The following MRTFB variants were observed in gnomAD, a reference collection of about 807,000 sequenced individuals.
MRTFB encodes the protein myocardin related transcription factor B, also known as myocardin-related transcription factor B.
In MRTFB, 29 loss-of-function variants were observed where a neutral mutation model predicts 104.2. The ratio of observed to expected loss-of-function variants is 0.28; its 90% CI spans 0.21 to 0.38. MRTFB has a LOEUF of 0.38. MRTFB is among the 10% of genes least tolerant of loss of function. The pLI is 1.00. For synonymous variants in MRTFB, 535 were observed against 519.5 expected, an observed-to-expected ratio of 1.03 and a Z score of -0.41; for missense variants, 1,270 against 1,341.6, an observed-to-expected ratio of 0.95 and a Z score of 0.83.
intron 15 of MRTFB, 56 bp from the exon 16 acceptor site, chr16:14,258,045 A>G (rs2043582655): frequency 6.9e-7 from 1 of 1,452,650 alleles, no homozygotes; most frequent in South Asian, 1.2e-5. Context: ...TGCTAATTAT[A>G]TAATGCTTCC....
intron 2 of MRTFB, among the ~76,000 whole-genome samples, chr16:14,111,676 C>T (rs2142166876): frequency 6.6e-6 from 1 of 152,270 alleles, no homozygotes; most frequent in South Asian, 2.1e-4. Flanking sequence ...TATGAAGAGG[C>T]AAACAAGAGG....
the MRTFB span, among the ~76,000 whole-genome samples, chr16:14,042,447 G>A: frequency 6.6e-6 from 1 of 152,116 alleles, no homozygotes; most frequent in Non-Finnish European, 1.5e-5. Context: ...TCTTGTTTTT[G>A]ATAGTGGCCA....
In MRTFB at chr16:14,261,378, C is replaced by T. The variant is rs776763721; in HGVS notation, c.3234C>T (p.Thr1078=). The change falls in exon 17 of 17, where the codon ACC becomes ACT. Residue 1078 remains threonine (T), a synonymous_variant. Transcript: ENST00000571589. ...NSSSGLTPLS[T]TAPSMFSADF... ...CTTCAGGACTCACTCCTCTCAGCAC[C>T]ACCGCGCCGAGCATGTTCTCTGCTG... 6.2e-7 allele frequency: 1 copy of T among 1,614,016 alleles called. No individual in the cohort carries two copies. Among genetic ancestry groups the T allele is most frequent in the Admixed American group, 1.7e-5 (1 of 60,022 alleles).
intron 3 of MRTFB, among the ~76,000 whole-genome samples, chr16:14,158,584 GGTA>G (rs1270919106): frequency 2.0e-5 from 3 of 152,028 alleles, no homozygotes; most frequent in African/African-American, 7.3e-5. Context: ...TCACATGAAA[GGTA>G]GTTAATTAAA....
At position 14,200,865 on chromosome 16, in the gene MRTFB, T is replaced by A. The variant is rs572010838; in HGVS notation, c.155-9378T>A. 3 of 1,456,132 alleles carry A rather than the reference T, an allele frequency of 2.1e-6. No homozygotes were observed. The African/African-American group carries it at 4.2e-5, about 20-fold the overall frequency. The allele number at this position is 1,456,132 out of a possible 1,614,324, so 90.2% of individuals were successfully genotyped here. On this transcript the variant is annotated intron_variant, in intron 3 of 16. Coordinates refer to ENST00000571589, the MANE Select transcript of MRTFB (RefSeq NM_001308142.2). ...TGCTACAAGGTGCCAACCTGTATGGTTACCTCAGGTGTAAGGTGGGCAGCA... is the reference window on the plus strand; with the variant it reads ...TGCTACAAGGTGCCAACCTGTATGGATACCTCAGGTGTAAGGTGGGCAGCA...
Position 14,079,477 on chromosome 16 carries a change from A to G in MRTFB, c.-64+123A>G, listed in dbSNP as rs1377478397. Reference sequence around the variant, plus strand: ...GATTGTTTTAGGAGTGGTTAAGTTCATAGAACCTAGAGTTCTTAAGGTAGA... The same window carrying G: ...GATTGTTTTAGGAGTGGTTAAGTTCGTAGAACCTAGAGTTCTTAAGGTAGA... On this transcript the variant is annotated intron_variant, in intron 2 of 16. Transcript: ENST00000571589. 9.9e-6 allele frequency: 3 copies of G among 304,128 alleles called. No homozygotes were observed. The Admixed American group carries it at 1.6e-4, about 16-fold the overall frequency. 18.8% of individuals were successfully genotyped at this position (304,128 alleles called of 1,614,324 possible). A position where few individuals can be genotyped will look rare whatever the true frequency, so the allele number is the denominator to read the frequency against.
chr16:14,240,102 A>G, intron 9 of MRTFB, 135 bp from the exon 10 acceptor site: 1 of 1,069,616 alleles, frequency 9.3e-7, no homozygotes, highest in Non-Finnish European at 1.3e-6. Context: ...CGAATTTAGC[A>G]TATTGCTTTC....
chr16:14,044,389 C>T, the MRTFB span, among the ~76,000 whole-genome samples: 1 of 152,204 alleles, frequency 6.6e-6, no homozygotes, highest in Non-Finnish European at 1.5e-5. Flanking sequence ...CTTTGTCATG[C>T]TATTCATGGC....
chr16:14,041,771 A>G, the MRTFB span, among the ~76,000 whole-genome samples: 1 of 151,836 alleles, frequency 6.6e-6, no homozygotes, highest in Non-Finnish European at 1.5e-5. Context: ...TACTAAAAAT[A>G]CAAAATTAGC....
chr16:14,071,574 T>TC (rs2033696035), intron 1 of MRTFB, among the ~76,000 whole-genome samples: 1 of 151,344 alleles, frequency 6.6e-6, no homozygotes, highest in African/African-American at 2.4e-5. Context: ...GGCCGGTGCC[T>TC]CCTTCAACCG....
chr16:14,146,780 T>C (rs1271305009), intron 3 of MRTFB, among the ~76,000 whole-genome samples: 1 of 152,218 alleles, frequency 6.6e-6, no homozygotes, highest in African/African-American at 2.4e-5. Flanking sequence ...TCTGGAAATA[T>C]ACAATGGCAA....
chr16:14,017,214 A>T, the MRTFB span, among the ~76,000 whole-genome samples: 1 of 151,000 alleles, frequency 6.6e-6, no homozygotes, highest in South Asian at 2.1e-4. Context: ...CCGCCACCAC[A>T]CCCGGCTAAT....
At chr16:14,043,224 C>T in the MRTFB span, among the ~76,000 whole-genome samples, 59 of 152,298 alleles carry the variant, frequency 3.9e-4, no homozygotes, top group Non-Finnish European at 6.8e-4. Flanking sequence ...CTCACCTCTG[C>T]GTACTTCCAT....
At chr16:14,222,148 ATATGACTTTC>A (rs1420813317) in intron 8 of MRTFB, among the ~76,000 whole-genome samples, 1 of 152,124 alleles carries the variant, frequency 6.6e-6, no homozygotes, top group Non-Finnish European at 1.5e-5. Context: ...TCAAATTTCT[ATATGACTTTC>A]TAACTGGTCA....
chr16:14,211,274 AC>A (rs1343927044), intron 4 of MRTFB, among the ~76,000 whole-genome samples: 1 of 152,140 alleles, frequency 6.6e-6, no homozygotes, highest in Non-Finnish European at 1.5e-5. Context: ...CACCACCACC[AC>A]CACCACATCC....
chr16:13,995,949 T>G, the MRTFB span, among the ~76,000 whole-genome samples: 1 of 151,880 alleles, frequency 6.6e-6, no homozygotes, highest in Non-Finnish European at 1.5e-5. Flanking sequence ...TTCCCCTCAT[T>G]CTCCCTTTCC....
intron 3 of MRTFB, among the ~76,000 whole-genome samples, chr16:14,166,392 A>G (rs1337423397): frequency 4.6e-5 from 7 of 152,122 alleles, no homozygotes; most frequent in African/African-American, 1.7e-4. Flanking sequence ...CAGTCCATCA[A>G]AATTATTCAT....
chr16:14,005,389 T>C, the MRTFB span, among the ~76,000 whole-genome samples: 4 of 152,092 alleles, frequency 2.6e-5, no homozygotes, highest in African/African-American at 2.4e-5. Flanking sequence ...ACAACCTGCA[T>C]CACCCAGAAA....
intron 3 of MRTFB, among the ~76,000 whole-genome samples, chr16:14,148,207 T>C (rs1234992756): frequency 6.6e-6 from 1 of 152,218 alleles, no homozygotes; most frequent in African/African-American, 2.4e-5. Flanking sequence ...CCTAGCTACT[T>C]AGACCTCACA....
Sources: gnomAD v4.1 joint callset for allele counts (sites outside exome capture counted in the v4.1 genomes callset) on GRCh38, gnomAD v4.1.1 for gene constraint, MANE v1.5 for transcripts, NCBI Gene and HGNC (gene_info 2026-07-23, HGNC 2026-07-21) for gene names.